The following CNTFR variants were observed in gnomAD, a reference collection of about 807,000 sequenced individuals.
CNTFR encodes the protein ciliary neurotrophic factor receptor.
A neutral mutation model predicts 40.4 loss-of-function variants in CNTFR; 12 were observed. The ratio of observed to expected loss-of-function variants is 0.30; its 90% CI spans 0.19 to 0.48. CNTFR has a LOEUF of 0.48. Among genes scored for constraint, CNTFR ranks in the 20% least tolerant of loss-of-function variants. CNTFR has a pLI of 0.99. For synonymous variants in CNTFR, 202 were observed against 209.6 expected (o/e 0.96, Z 0.31); for missense variants, 414 against 506.8 (o/e 0.82, Z 1.76).
chr9:34,582,875 CAG>C (rs1827372437), intron 1 of CNTFR: 1 of 152,214 alleles, frequency 6.6e-6, no homozygotes, highest in East Asian at 1.9e-4. Context: ...AGTATGCAGA[CAG>C]ACACATATAG....
At position 34,589,279 on chromosome 9, in the gene CNTFR, A is replaced by G. The variant is rs763494643; in HGVS notation, c.-112+276T>C. ...GAGGGGTGGGGAGAACAGGGACACT[A>G]GGACAAACCGCCGGAGCCACCTCCC... is the stretch of plus-strand genomic sequence containing the variant. On this transcript the variant is annotated intron_variant, in intron 1 of 9. Coordinates refer to ENST00000378980, the MANE Select transcript of CNTFR (RefSeq NM_147164.3). This position sits in a 1 kb window ranked among gnomAD's most constrained non-coding sequence, Gnocchi z 4.4. Among the ~76,000 whole-genome samples the G allele has an allele frequency of 1.8e-4, 28 of 152,044 alleles. No homozygotes were observed. Among genetic ancestry groups the G allele is most frequent in the Non-Finnish European group, 3.7e-4 (25 of 67,978 alleles).
chr9:34,584,192 G>C (rs530173670), intron 1 of CNTFR, among the ~76,000 whole-genome samples: 39 of 152,296 alleles, frequency 2.6e-4, no homozygotes, highest in African/African-American at 9.4e-4. Context: ...GACATCAGTT[G>C]TATCTCCAGA....
intron 7 of CNTFR, 36 bp downstream of exon 7, chr9:34,556,219 C>G (rs1825829336): frequency 8.8e-6 from 14 of 1,596,110 alleles, no homozygotes; most frequent in Non-Finnish European, 1.2e-5. Context: ...GATTCTAACT[C>G]AGGCACCCAG....
intron 2 of CNTFR, among the ~76,000 whole-genome samples, chr9:34,577,678 C>T (rs1420533224): frequency 6.6e-6 from 1 of 152,214 alleles, no homozygotes; most frequent in Non-Finnish European, 1.5e-5. Flanking sequence ...CGGTGGTCCC[C>T]TCCCCCAGGC....
In CNTFR at chr9:34,557,511, A is replaced by G. The variant is rs1034648497; in HGVS notation, c.604+15T>C. The G allele has an allele frequency of 4.4e-6, 7 of 1,608,706 alleles. No individual in the cohort carries two copies. In the African/African-American group the frequency reaches 8.0e-5, roughly 18 times the overall value. Reference sequence around the variant, plus strand: ...ACTGGAGTAGGCAGCAGGTCCCCCCAACCGCCACACGTACCAATGGTGAAC... The same window carrying G: ...ACTGGAGTAGGCAGCAGGTCCCCCCGACCGCCACACGTACCAATGGTGAAC... On this transcript the variant is annotated intron_variant, in intron 6 of 9. Transcript: ENST00000378980. This position sits in a 1 kb window ranked among gnomAD's most constrained non-coding sequence, Gnocchi z 4.2.
chr9:34,561,707 C>G (rs1826084335), intron 4 of CNTFR, among the ~76,000 whole-genome samples: 1 of 152,196 alleles, frequency 6.6e-6, no homozygotes, highest in African/African-American at 2.4e-5. Flanking sequence ...ACCCACAAAT[C>G]AGGGGTAACT....
At position 34,551,631 on chromosome 9, in the gene CNTFR, G is replaced by GT. The variant is rs1485807308; in HGVS notation, c.*439dup. 3.1e-6 allele frequency: 1 copy of GT among 327,132 alleles called. No individual in the cohort carries two copies. The highest frequency in any genetic ancestry group is 8.8e-5 in the East Asian group (1 of 11,364). 20.3% of individuals were successfully genotyped at this position (327,132 alleles called of 1,614,324 possible). On this transcript the variant is annotated 3_prime_UTR_variant, in exon 10 of 10. Coordinates refer to ENST00000378980, the MANE Select transcript of CNTFR (RefSeq NM_147164.3). ...GAGGGGAGGGGACTGAAAATTGTGGGTGCTGGGGGGAGGGGGATGGCTGGG... is the reference window on the plus strand; with the variant it reads ...GAGGGGAGGGGACTGAAAATTGTGGGTTGCTGGGGGGAGGGGGATGGCTGGG...
intron 7 of CNTFR, among the ~76,000 whole-genome samples, chr9:34,554,622 C>A (rs1449213322): frequency 6.6e-6 from 1 of 152,218 alleles, no homozygotes; most frequent in Non-Finnish European, 1.5e-5. Context: ...TGCAGGGAAC[C>A]CATGCTGGGT....
chr9:34,582,110 C>A (rs1827320367), intron 1 of CNTFR, among the ~76,000 whole-genome samples: 1 of 151,894 alleles, frequency 6.6e-6, no homozygotes, highest in Non-Finnish European at 1.5e-5. Context: ...CCCATCTCTA[C>A]CAAAAATACA....
intron 1 of CNTFR, among the ~76,000 whole-genome samples, chr9:34,588,622 T>C (rs1410994815): frequency 6.7e-6 from 1 of 149,084 alleles, no homozygotes; most frequent in Non-Finnish European, 1.5e-5. Flanking sequence ...AAAGAGAGAC[T>C]AGACGGAAAG....
At chr9:34,564,921 A>AG in intron 3 of CNTFR, 89 bp from the exon 4 acceptor site, 1 of 1,089,564 alleles carries the variant, frequency 9.2e-7, no homozygotes, top group South Asian at 1.4e-5. Flanking sequence ...AGAGCCTGTG[A>AG]GGATGGATGA....
intron 1 of CNTFR, among the ~76,000 whole-genome samples, chr9:34,586,025 C>G (rs577378055): frequency 2.0e-5 from 3 of 152,330 alleles, no homozygotes; most frequent in Non-Finnish European, 4.4e-5. Context: ...GCAGTTACAG[C>G]CCAGCCATCT....
intron 1 of CNTFR, among the ~76,000 whole-genome samples, chr9:34,586,862 A>T (rs1827568633): frequency 6.6e-6 from 1 of 152,144 alleles, no homozygotes; most frequent in African/African-American, 2.4e-5. Context: ...GAGGGGACAG[A>T]TCCTGTAGCA....
chr9:34,557,495 G>A lies in CNTFR; in HGVS notation c.604+31C>T, dbSNP rs1218205588. Reference sequence around the variant, plus strand: ...ATCCACTTACATTCCCACTGGAGTAGGCAGCAGGTCCCCCCAACCGCCACA... The same window carrying A: ...ATCCACTTACATTCCCACTGGAGTAAGCAGCAGGTCCCCCCAACCGCCACA... On this transcript the variant is annotated intron_variant, in intron 6 of 9. Coordinates refer to ENST00000378980, the MANE Select transcript of CNTFR (RefSeq NM_147164.3). The surrounding 1 kb of genome is among the most constrained non-coding windows in gnomAD (Gnocchi z 4.2). 1.2e-6 allele frequency: 2 copies of A among 1,606,686 alleles called. No individual in the cohort carries two copies. Among genetic ancestry groups the A allele is most frequent in the Non-Finnish European group, 1.7e-6 (2 of 1,174,106 alleles).
Position 34,551,827 on chromosome 9 carries a change from G to A in CNTFR, c.*244C>T. On this transcript the variant is annotated 3_prime_UTR_variant, in exon 10 of 10. Transcript: ENST00000378980. Reference sequence around the variant, plus strand: ...TCCAGCCCAAGGGGCCAGGGTGAGGGGGTCTTTGGTGGGTGGGTTAGCTGC... The same window carrying A: ...TCCAGCCCAAGGGGCCAGGGTGAGGAGGTCTTTGGTGGGTGGGTTAGCTGC... 4 of 633,538 alleles carry A rather than the reference G, an allele frequency of 6.3e-6. No homozygotes were observed. The highest frequency in any genetic ancestry group is 2.8e-6 in the Non-Finnish European group (1 of 352,764). 39.2% of individuals were successfully genotyped at this position (633,538 alleles called of 1,614,324 possible).
chr9:34,560,446 G>C (rs1163579457), intron 4 of CNTFR, among the ~76,000 whole-genome samples: 1 of 152,222 alleles, frequency 6.6e-6, no homozygotes, highest in East Asian at 1.9e-4. Flanking sequence ...GTGCTAGGCT[G>C]TGTGGCCAAG....
intron 4 of CNTFR, among the ~76,000 whole-genome samples, chr9:34,561,162 G>A (rs10972149): frequency 0.15 from 23,040 of 151,966 alleles, 1,818 homozygotes; most frequent in East Asian, 0.3. Flanking sequence ...TCCAACTTCT[G>A]GACTCCCAAA....
rs749320052 is a variant in CNTFR, at chr9:34,552,861, C to T, written c.769-7G>A. On this transcript the variant is annotated splice_polypyrimidine_tract_variant and splice_region_variant and intron_variant, in intron 7 of 9. Transcript: ENST00000378980. This position sits in a 1 kb window ranked among gnomAD's most constrained non-coding sequence, Gnocchi z 5.1. The stretch of plus-strand genomic sequence containing the variant: ...TGCCGTCGGACAGCTCCACCTGCAG[C>T]CAGACCATGGGGTGGGGGTAAGGAC... 1.9e-6 allele frequency: 3 copies of T among 1,608,916 alleles called. No homozygotes were observed. Among genetic ancestry groups the T allele is most frequent in the Admixed American group, 3.3e-5 (2 of 59,808 alleles).
intron 1 of CNTFR, among the ~76,000 whole-genome samples, chr9:34,583,071 G>A (rs557949338): frequency 7.9e-5 from 12 of 152,260 alleles, no homozygotes; most frequent in East Asian, 3.9e-4. Context: ...AATTACAGCC[G>A]CTCCCCCAGC....
Sources: allele counts gnomAD v4.1 joint callset (sites outside exome capture counted in the v4.1 genomes callset), GRCh38; gene constraint gnomAD v4.1.1; non-coding constraint Gnocchi (gnomAD v3.1); transcripts MANE v1.5; gene names NCBI Gene and HGNC (gene_info 2026-07-23, HGNC 2026-07-21).